ATP7A: variants seen among roughly 807,000 people sequenced by gnomAD.
ATP7A encodes copper-transporting ATPase 1.
Under a neutral mutation model 83.5 loss-of-function variants are expected in ATP7A, and 7 were observed. The ratio of observed to expected loss-of-function variants is 0.08; its 90% CI spans 0.05 to 0.16. The LOEUF (loss-of-function observed/expected upper bound fraction) is 0.16, where lower values mean the gene tolerates loss of function less well. ATP7A is among the 10% of genes least tolerant of loss of function. ATP7A has a pLI of 1.00. For synonymous variants in ATP7A, 354 were observed against 395.2 expected (o/e 0.90, Z 1.24); for missense variants, 940 against 1,120.8 (o/e 0.84, Z 2.30).
intron 1 of ATP7A, among the ~76,000 whole-genome samples, chrX:77,943,280 AT>A (rs2077361228): frequency 8.9e-6 from 1 of 112,588 alleles, no homozygotes; most frequent in South Asian, 3.6e-4. Context: ...TCTGCTAATT[AT>A]TTTAGTGCCC....
At chrX:78,035,439 T>C (rs1216795911) in intron 17 of ATP7A, among the ~76,000 whole-genome samples, 1 of 111,864 alleles carries the variant, frequency 8.9e-6, no homozygotes, top group Non-Finnish European at 1.9e-5. Context: ...TGGAGGAATA[T>C]GATGAAAGCT....
At position 78,029,275 on chromosome X, in the gene ATP7A, C is replaced by A; in HGVS notation, c.2942C>A (p.Thr981Lys). ...FPGYNRSISR[T>K]ETIIRFAFQA... Reference sequence around the variant, plus strand: ...GGCTACAATAGAAGTATCTCCCGAACAGAAACGATAATACGATTTGCTTTC... The same window carrying A: ...GGCTACAATAGAAGTATCTCCCGAAAAGAAACGATAATACGATTTGCTTTC... Residue 981 changes from threonine to lysine, a missense_variant, in exon 15 of 23, where the codon ACA (threonine) becomes AAA (lysine). Thr to Lys is a moderately conservative substitution (Grantham distance 78, BLOSUM62 -1). This residue lies in a region of ATP7A where 386 missense variants were observed against 502.2 expected (regional missense o/e 0.77). Coordinates refer to ENST00000341514, the MANE Select transcript of ATP7A (RefSeq NM_000052.7). 1 of 1,211,261 alleles carries A rather than the reference C, an allele frequency of 8.3e-7. No homozygotes were observed.
At chrX:77,991,544 T>C (rs1557232073) in intron 4 of ATP7A, among the ~76,000 whole-genome samples, 1 of 111,621 alleles carries the variant, frequency 9.0e-6, no homozygotes, top group African/African-American at 3.3e-5. Flanking sequence ...TGAGTTCAAA[T>C]TTTTGTATGA....
Position 78,011,650 on chromosome X carries a change from C to T in ATP7A, c.2148C>T (p.Ser716=). ...GATTGTCTGTTATGAATTTGCTGTC[C>T]TTTTTATTGTGTGTACCTGTACAGG... ...LPGLSVMNLL[S]FLLCVPVQFF... The change falls in exon 9 of 23, where the codon TCC becomes TCT. Residue 716 remains serine (S), a synonymous_variant. Transcript: ENST00000341514. 2 of 1,209,773 alleles carry T rather than the reference C, an allele frequency of 1.7e-6. No homozygotes were observed. Among genetic ancestry groups the T allele is most frequent in the Non-Finnish European group, 2.2e-6 (2 of 893,956 alleles).
chrX:77,991,981 C>G (rs1034695494), intron 4 of ATP7A, among the ~76,000 whole-genome samples: 6 of 110,135 alleles, frequency 5.4e-5, no homozygotes, highest in African/African-American at 2.0e-4. Context: ...GTGATCGTGT[C>G]ACTGTACTCC....
At position 78,009,148 on chromosome X, in the gene ATP7A, G is replaced by C; in HGVS notation, c.1754G>C (p.Ser585Thr). 1 of 1,210,289 alleles carries C rather than the reference G, an allele frequency of 8.3e-7. No individual in the cohort carries two copies. Among genetic ancestry groups the C allele is most frequent in the Non-Finnish European group, 1.1e-6 (1 of 894,589 alleles). The change falls in exon 7 of 23, where the codon AGT becomes ACT. Residue 585 changes from serine to threonine, a missense_variant. This residue lies in a region of ATP7A where 204 missense variants were observed against 185.8 expected (regional missense o/e 1.10). Transcript: ENST00000341514. ...CASCVHKIESSLTKHRGILYC... is the reference protein window; with the variant it reads ...CASCVHKIESTLTKHRGILYC... ...TCCTGCGTACATAAAATAGAGTCTA[G>C]TCTCACAAAACACAGAGGGATCCTA...
At chrX:78,011,788 AT>A (rs1372661404) in intron 9 of ATP7A, 114 bp downstream of exon 9, 2 of 711,057 alleles carry the variant, frequency 2.8e-6, no homozygotes, top group African/African-American at 4.2e-5. Context: ...TGATCATTTT[AT>A]GCCATATGCT....
At chrX:77,915,697 C>A (rs1217940160) in intron 1 of ATP7A, among the ~76,000 whole-genome samples, 1 of 111,746 alleles carries the variant, frequency 8.9e-6, no homozygotes, top group African/African-American at 3.2e-5. Flanking sequence ...TCAATCAATA[C>A]TTGCAAGCAA....
intron 8 of ATP7A, 24 bp from the exon 9 acceptor site, chrX:78,011,425 C>CT: frequency 1.7e-6 from 2 of 1,188,088 alleles, no homozygotes; most frequent in East Asian, 3.0e-5. Context: ...CATGATTTTT[C>CT]TTTTTTTATT....
At chrX:77,931,304 A>T (rs781791567) in intron 1 of ATP7A, among the ~76,000 whole-genome samples, 1 of 110,621 alleles carries the variant, frequency 9.0e-6, no homozygotes, top group South Asian at 3.8e-4. Flanking sequence ...GACACAGCAC[A>T]TGTTTCAGAG....
intron 7 of ATP7A, 47 bp downstream of exon 7, chrX:78,009,310 G>A (rs2077800762): frequency 8.7e-7 from 1 of 1,152,383 alleles, no homozygotes; most frequent in South Asian, 1.8e-5. Flanking sequence ...TATTTAATCA[G>A]CACTCCCGTG....
chrX:78,031,095 G>A (rs1323851279), intron 15 of ATP7A, among the ~76,000 whole-genome samples: 1 of 111,446 alleles, frequency 9.0e-6, no homozygotes, highest in Non-Finnish European at 1.9e-5. Flanking sequence ...AGGCACTAGA[G>A]GCGTCTCTTA....
chrX:78,042,551 T>G, intron 19 of ATP7A, 34 bp from the exon 20 acceptor site: 1 of 1,186,965 alleles, frequency 8.4e-7, no homozygotes. Context: ...ACTCATTATT[T>G]TTTAAATGAA....
intron 6 of ATP7A, 30 bp from the exon 7 acceptor site, chrX:78,009,072 C>G: frequency 8.4e-7 from 1 of 1,190,186 alleles, no homozygotes; most frequent in Non-Finnish European, 1.1e-6. Context: ...AAAGTATATT[C>G]CTGAAGAACA....
intron 7 of ATP7A, 101 bp downstream of exon 7, chrX:78,009,364 C>G (rs782365608): frequency 1.1e-6 from 1 of 935,744 alleles, no homozygotes; most frequent in South Asian, 2.0e-5. Context: ...GAAAAAAAAT[C>G]TAACTCCTTT....
chrX:78,010,801 G>A (rs1057027988), intron 7 of ATP7A, among the ~76,000 whole-genome samples: 9 of 108,921 alleles, frequency 8.3e-5, no homozygotes, highest in African/African-American at 2.3e-4. Context: ...TACTGCTCTC[G>A]AACTCCTGAC....
At chrX:77,944,982 CTGGGA>C (rs2077370856) in intron 1 of ATP7A, among the ~76,000 whole-genome samples, 1 of 109,793 alleles carries the variant, frequency 9.1e-6, no homozygotes, top group African/African-American at 3.3e-5. Context: ...TCCCAAGTAG[CTGGGA>C]TTACAGGCGC....
At chrX:78,041,708 G>GTA (rs2078050138) in intron 19 of ATP7A, among the ~76,000 whole-genome samples, 1 of 111,871 alleles carries the variant, frequency 8.9e-6, no homozygotes, top group Non-Finnish European at 1.9e-5. Flanking sequence ...CATATACAGA[G>GTA]TACATATACA....
At chrX:77,981,913 G>T (rs912111022) in intron 2 of ATP7A, among the ~76,000 whole-genome samples, 17 of 110,975 alleles carry the variant, frequency 1.5e-4, no homozygotes, top group African/African-American at 4.9e-4. Context: ...CCTTTATTTA[G>T]GTTACTCAAA....
Sources: gnomAD v4.1 joint callset for allele counts (sites outside exome capture counted in the v4.1 genomes callset) on GRCh38, gnomAD v4.1.1 for gene constraint, gnomAD v4.1.1 regional missense constraint, MANE v1.5 for transcripts, NCBI Gene and HGNC (gene_info 2026-07-23, HGNC 2026-07-21) for gene names.